TPM4: variants seen among roughly 807,000 people sequenced by gnomAD.
The protein encoded by TPM4 is tropomyosin 4.
A neutral mutation model predicts 35.8 loss-of-function variants in TPM4; 17 were observed. The observed-to-expected ratio is 0.47, with a 90% CI of 0.32 to 0.71. The LOEUF (loss-of-function observed/expected upper bound fraction) is 0.71. Ranked by LOEUF, TPM4 falls within the 30% of genes least tolerant of loss-of-function variation. The probability of loss-of-function intolerance (pLI) is 0.03; values close to 1 mark genes in which losing one functional copy is unlikely to be tolerated. For synonymous variants in TPM4, 120 were observed against 122.9 expected (o/e 0.98, Z 0.15); for missense variants, 240 against 320.9 (o/e 0.75, Z 1.93).
upstream of TPM4, chr19:16,075,770 G>A (rs2090397078): frequency 1.4e-5 from 5 of 365,248 alleles, no homozygotes; most frequent in African/African-American, 2.1e-5. Context: ...GGAGTCTTCA[G>A]TTTCCCAAAA....
chr19:16,082,950 C>G (rs1356468621), intron 2 of TPM4, among the ~76,000 whole-genome samples: 1 of 143,932 alleles, frequency 6.9e-6, no homozygotes, highest in African/African-American at 2.6e-5. Flanking sequence ...CAAGATTGTG[C>G]CACTGCACTC....
At chr19:16,092,674 T>C (rs1469163935) in intron 5 of TPM4, among the ~76,000 whole-genome samples, 1 of 152,086 alleles carries the variant, frequency 6.6e-6, no homozygotes, top group Non-Finnish European at 1.5e-5. Flanking sequence ...TAGCTGAGAT[T>C]ACAGGCACCC....
At chr19:16,092,423 C>T (rs2144952693) in intron 5 of TPM4, among the ~76,000 whole-genome samples, 1 of 152,164 alleles carries the variant, frequency 6.6e-6, no homozygotes. Flanking sequence ...CTCAAGTTCT[C>T]AGTTTAGGCC....
chr19:16,096,421 C>T (rs1241071590), intron 7 of TPM4, among the ~76,000 whole-genome samples: 1 of 152,192 alleles, frequency 6.6e-6, no homozygotes, highest in African/African-American at 2.4e-5. Flanking sequence ...TCCTTGTAAA[C>T]CGCTTAGGCA....
chr19:16,085,785 G>A (rs1277950204), intron 2 of TPM4, among the ~76,000 whole-genome samples: 1 of 152,026 alleles, frequency 6.6e-6, no homozygotes, highest in African/African-American at 2.4e-5. Context: ...AAGATGAAGG[G>A]AGGCTGGGCG....
chr19:16,089,213 C>G, intron 5 of TPM4, 93 bp downstream of exon 5: 1 of 1,538,368 alleles, frequency 6.5e-7, no homozygotes, highest in Non-Finnish European at 8.9e-7. Context: ...TATGGGGAAT[C>G]TGCCCTTTAT....
chr19:16,099,881 T>C (rs2090745056), intron 7 of TPM4: 1 of 152,222 alleles, frequency 6.6e-6, no homozygotes, highest in Non-Finnish European at 1.5e-5. Flanking sequence ...ATTTCGCATT[T>C]ACCTGGGGTT....
intron 2 of TPM4, among the ~76,000 whole-genome samples, chr19:16,085,027 G>A (rs2090531317): frequency 6.6e-6 from 1 of 151,974 alleles, no homozygotes; most frequent in Admixed American, 6.6e-5. Context: ...GAGGCGGGCG[G>A]ATCGCTTGAG....
At chr19:16,098,496 C>T (rs2090727249) in intron 7 of TPM4, among the ~76,000 whole-genome samples, 1 of 152,156 alleles carries the variant, frequency 6.6e-6, no homozygotes, top group Admixed American at 6.5e-5. Flanking sequence ...GAGGTCTACA[C>T]TATCTGTTGA....
chr19:16,094,613 T>TG (rs1442769901), intron 7 of TPM4, among the ~76,000 whole-genome samples: 1 of 151,964 alleles, frequency 6.6e-6, no homozygotes, highest in African/African-American at 2.4e-5. Flanking sequence ...TTACATGCCT[T>TG]GCATTTTTGC....
chr19:16,095,158 GT>G (rs2090678877), intron 7 of TPM4: 1 of 645,892 alleles, frequency 1.5e-6, no homozygotes, highest in African/African-American at 2.0e-5. Flanking sequence ...GTTTGCTCAC[GT>G]GTTTTTTTCT....
chr19:16,082,990 C>CAAAAAAAA (rs1195606325), intron 2 of TPM4, among the ~76,000 whole-genome samples: 1 of 62,854 alleles, frequency 1.6e-5, no homozygotes, highest in Non-Finnish European at 3.1e-5. Context: ...GATTCTGTCT[C>CAAAAAAAA]AAAAAAAAAA....
rs1040345684 is a variant in TPM4, at chr19:16,070,638, A to T, written c.114+2900A>T. Reference sequence around the variant, plus strand: ...GCCTCCCTTGCCACCCCATGACAGGATTAGAGGTGACTGTACAGGTGGAAC... The same window carrying T: ...GCCTCCCTTGCCACCCCATGACAGGTTTAGAGGTGACTGTACAGGTGGAAC... On this transcript the variant is annotated intron_variant, in intron 2 of 2. Transcript: ENST00000589897. This position sits in a 1 kb window ranked among gnomAD's most constrained non-coding sequence, Gnocchi z 7.4. Among the ~76,000 whole-genome samples, 1 of 152,172 alleles carries T rather than the reference A, an allele frequency of 6.6e-6. No homozygotes were observed.
chr19:16,088,253 C>A, intron 4 of TPM4, 156 bp downstream of exon 4: 1 of 1,415,836 alleles, frequency 7.1e-7, no homozygotes, highest in South Asian at 1.3e-5. Flanking sequence ...GCTTCTGTGA[C>A]AAAGAGGTGG....
At chr19:16,069,013 G>A (rs976317227) in intron 2 of TPM4, among the ~76,000 whole-genome samples, 6 of 150,556 alleles carry the variant, frequency 4.0e-5, no homozygotes, top group Non-Finnish European at 8.9e-5. Flanking sequence ...GGTCTGTGAG[G>A]GTAGCGGGAC....
intron 5 of TPM4, among the ~76,000 whole-genome samples, chr19:16,091,430 A>G (rs978515294): frequency 6.6e-6 from 1 of 152,202 alleles, no homozygotes; most frequent in Admixed American, 6.5e-5. Context: ...TGGGAATACA[A>G]TAGAGGGACC....
chr19:16,068,715 G>A (rs931982642), intron 2 of TPM4, among the ~76,000 whole-genome samples: 4 of 152,084 alleles, frequency 2.6e-5, no homozygotes, highest in East Asian at 1.9e-4. Context: ...GCATTTCTGC[G>A]TGTGTGTGTA....
intron 7 of TPM4, chr19:16,099,984 C>T (rs751608643): frequency 2.0e-5 from 3 of 152,130 alleles, no homozygotes; most frequent in East Asian, 1.9e-4. Flanking sequence ...AGATGGGTTA[C>T]AGGATTTTAG....
At chr19:16,078,299 A>C in intron 1 of TPM4, 18 of 368,496 alleles carry the variant, frequency 4.9e-5, no homozygotes, top group East Asian at 8.0e-5. Flanking sequence ...AAGTTGTATG[A>C]TGAGGGTGGG....
Sources: allele counts gnomAD v4.1 joint callset (sites outside exome capture counted in the v4.1 genomes callset), GRCh38; gene constraint gnomAD v4.1.1; non-coding constraint Gnocchi (gnomAD v3.1); transcripts MANE v1.5; gene names NCBI Gene and HGNC (gene_info 2026-07-23, HGNC 2026-07-21).